The following RGS7 variants were observed in gnomAD, a reference collection of about 807,000 sequenced individuals.
RGS7 encodes the protein regulator of G protein signaling 7, also known as regulator of G-protein signaling 7.
In RGS7, 27 loss-of-function variants were observed where a neutral mutation model predicts 81.1. The ratio of observed to expected loss-of-function variants is 0.33; its 90% CI spans 0.25 to 0.46. RGS7 has a LOEUF of 0.46. RGS7 is among the 20% of genes least tolerant of loss of function. The probability of loss-of-function intolerance (pLI) is 1.00; values close to 1 mark genes in which losing one functional copy is unlikely to be tolerated. For missense variants in RGS7, 396 were observed against 607.4 expected (o/e 0.65, Z 3.66); for synonymous variants, 208 against 207.7 (o/e 1.00, Z -0.01).
intron 2 of RGS7, among the ~76,000 whole-genome samples, chr1:241,123,985 A>T (rs916405884): frequency 6.6e-6 from 1 of 152,164 alleles, no homozygotes; most frequent in Non-Finnish European, 1.5e-5. Flanking sequence ...TGAACCAAAC[A>T]TACTCAGATA....
chr1:240,927,588 T>C (rs1341542737), intron 6 of RGS7, among the ~76,000 whole-genome samples: 1 of 152,196 alleles, frequency 6.6e-6, no homozygotes, highest in African/African-American at 2.4e-5. Flanking sequence ...GCTGCTATAA[T>C]TTGTTTGCAC....
rs776181019 is a variant in RGS7 at position 241,138,549 on chromosome 1, G to A, written c.79-39787C>T. Among the ~76,000 whole-genome samples the A allele has an allele frequency of 1.9e-4, 29 of 152,312 alleles. 1 individual carries two copies. The Middle Eastern group carries it at 0.01, about 54-fold the overall frequency. On this transcript the variant is annotated intron_variant, in intron 2 of 18. Coordinates refer to ENST00000440928, the MANE Select transcript of RGS7 (RefSeq NM_001364886.1). ...CTTCTGTGGAACTTGGTTACTGGAA[G>A]TACCACATCTGTTGTCTTGGTCCAG...
intron 2 of RGS7, among the ~76,000 whole-genome samples, chr1:241,236,695 T>C (rs1262591077): frequency 2.6e-5 from 4 of 152,190 alleles, no homozygotes; most frequent in South Asian, 2.1e-4. Context: ...TCCAGTTTTA[T>C]TGCCACACCC....
Position 241,285,865 on chromosome 1 carries a change from C to A in RGS7, c.78+69834G>T, listed in dbSNP as rs559644740. ...CGCCCCATCTTTTCCCCACTTCTTA[C>A]CCACAAGTATATACCTAGTTTTAAA... is the stretch of plus-strand genomic sequence containing the variant. On this transcript the variant is annotated intron_variant, in intron 2 of 18. Transcript: ENST00000440928. Among the ~76,000 whole-genome samples, 22 of 152,274 alleles carry A rather than the reference C, an allele frequency of 1.4e-4. 1 individual carries two copies. Among genetic ancestry groups the A allele is most frequent in the African/African-American group, 5.3e-4 (22 of 41,552 alleles).
At chr1:240,972,137 T>G (rs1459281703) in intron 4 of RGS7, among the ~76,000 whole-genome samples, 2 of 152,216 alleles carry the variant, frequency 1.3e-5, no homozygotes, top group Non-Finnish European at 2.9e-5. Context: ...AAAGACATTA[T>G]GTAATGTACC....
rs769378768 is a variant in RGS7 at position 240,928,604 on chromosome 1, A to AT, written c.385+2112dup. On this transcript the variant is annotated intron_variant, in intron 6 of 18. Coordinates refer to ENST00000440928, the MANE Select transcript of RGS7 (RefSeq NM_001364886.1). ...GAATGGGAATTTTATTTTCTTTATA[A>AT]TTTTTTTTTTTTTTTTTTTTTTTAG... Among the ~76,000 whole-genome samples, 584 of 134,922 alleles carry AT rather than the reference A, an allele frequency of 4.3e-3. 8 individuals carry two copies. Among genetic ancestry groups the AT allele is most frequent in the East Asian group, 0.011 (54 of 4,804 alleles). The allele number at this position is 134,922 out of a possible 152,430, so 88.5% of individuals were successfully genotyped here.
At chr1:240,844,030 G>A (rs1658607549) in intron 9 of RGS7, among the ~76,000 whole-genome samples, 1 of 152,162 alleles carries the variant, frequency 6.6e-6, no homozygotes, top group African/African-American at 2.4e-5. Flanking sequence ...GCACGTGCAT[G>A]CCTGAGTGTG....
At chr1:241,141,821 A>T (rs1297308360) in intron 2 of RGS7, among the ~76,000 whole-genome samples, 1 of 151,708 alleles carries the variant, frequency 6.6e-6, no homozygotes, top group Non-Finnish European at 1.5e-5. Context: ...AAAACCAATC[A>T]TGCCTTCAGC....
chr1:241,340,361 C>T (rs1013239279), intron 2 of RGS7, among the ~76,000 whole-genome samples: 2 of 152,120 alleles, frequency 1.3e-5, no homozygotes, highest in African/African-American at 2.4e-5. Flanking sequence ...GTCACTAATG[C>T]TGTCCAAACT....
chr1:241,307,182 T>G (rs1177610785), intron 2 of RGS7, among the ~76,000 whole-genome samples: 1 of 152,168 alleles, frequency 6.6e-6, no homozygotes. Context: ...AATGAGTCAT[T>G]TACAGAGAGG....
intron 4 of RGS7, among the ~76,000 whole-genome samples, chr1:240,939,899 G>T (rs1254967539): frequency 6.6e-6 from 1 of 151,720 alleles, no homozygotes; most frequent in African/African-American, 2.4e-5. Flanking sequence ...GGTGAACCCC[G>T]TCTCTACTAA....
Position 240,854,964 on chromosome 1 carries a change from A to C in RGS7, c.609+13623T>G, listed in dbSNP as rs868404668. Among the ~76,000 whole-genome samples, 10 of 152,228 alleles carry C rather than the reference A, an allele frequency of 6.6e-5. 1 individual carries two copies. The highest frequency in any genetic ancestry group is 3.4e-3 in the Middle Eastern group (1 of 294). On this transcript the variant is annotated intron_variant, in intron 9 of 18. Coordinates refer to ENST00000440928, the MANE Select transcript of RGS7 (RefSeq NM_001364886.1). ...GCATGGCAGAAGCATGCCTACCTTC[A>C]TCTCGGACGTTACAGGCCAAACAGG...
chr1:241,031,961 C>T (rs1308053860), intron 3 of RGS7, among the ~76,000 whole-genome samples: 1 of 152,190 alleles, frequency 6.6e-6, no homozygotes, highest in Non-Finnish European at 1.5e-5. Flanking sequence ...TTTTTCTATG[C>T]AGAAGTTTCT....
chr1:241,309,911 C>T (rs1027111061), intron 2 of RGS7, among the ~76,000 whole-genome samples: 1 of 152,132 alleles, frequency 6.6e-6, no homozygotes, highest in Admixed American at 6.5e-5. Context: ...TGACACAGTG[C>T]CCAGATTCCT....
intron 3 of RGS7, among the ~76,000 whole-genome samples, chr1:241,074,521 A>G (rs772078146): frequency 3.9e-5 from 6 of 152,190 alleles, no homozygotes; most frequent in Non-Finnish European, 8.8e-5. Context: ...ATTCAAACGC[A>G]ATTGTTAGGT....
At chr1:241,074,237 C>T (rs2062664481) in intron 3 of RGS7, among the ~76,000 whole-genome samples, 1 of 152,114 alleles carries the variant, frequency 6.6e-6, no homozygotes, top group Non-Finnish European at 1.5e-5. Flanking sequence ...AACAATGGTG[C>T]TTTGTTTTGG....
At chr1:241,226,711 A>T (rs569208594) in intron 2 of RGS7, among the ~76,000 whole-genome samples, 1 of 152,230 alleles carries the variant, frequency 6.6e-6, no homozygotes, top group East Asian at 1.9e-4. Flanking sequence ...AGCAGGTGAC[A>T]CCGAGCTGAA....
chr1:241,085,601 T>A (rs576280496), intron 3 of RGS7, among the ~76,000 whole-genome samples: 1 of 89,280 alleles, frequency 1.1e-5, no homozygotes, highest in African/African-American at 8.9e-5. Context: ...ATTTTTTATA[T>A]TTTTTTTAGT....
chr1:241,317,359 G>C (rs369624395), intron 2 of RGS7, among the ~76,000 whole-genome samples: 1 of 152,186 alleles, frequency 6.6e-6, no homozygotes, highest in Non-Finnish European at 1.5e-5. Context: ...TTTAGCAATT[G>C]GCTCCTGTGA....
Sources: allele counts gnomAD v4.1 joint callset (sites outside exome capture counted in the v4.1 genomes callset), GRCh38; gene constraint gnomAD v4.1.1; transcripts MANE v1.5; gene names NCBI Gene and HGNC (gene_info 2026-07-23, HGNC 2026-07-21).